The following PIH1D2 variants were observed in gnomAD, a reference collection of about 807,000 sequenced individuals.
The protein encoded by PIH1D2 is PIH1 domain-containing protein 2.
A neutral mutation model predicts 31.2 loss-of-function variants in PIH1D2; 25 were observed. That is an observed-to-expected ratio of 0.80 (90% confidence interval 0.58 to 1.12). PIH1D2 has a LOEUF of 1.12. Ranked by LOEUF, PIH1D2 falls within the 50% of genes most tolerant of loss-of-function variation. The pLI is 0.00. For synonymous variants in PIH1D2, 116 were observed against 119.9 expected (o/e 0.97, Z 0.21); for missense variants, 310 against 356.6 (o/e 0.87, Z 1.05).
chr11:112,068,283 A>G (rs1204714356), intron 5 of PIH1D2, among the ~76,000 whole-genome samples: 1 of 152,214 alleles, frequency 6.6e-6, no homozygotes, highest in Non-Finnish European at 1.5e-5. Context: ...GGAGCCTGGA[A>G]AGGTAGTGAT....
At chr11:112,072,132 C>A (rs1555184776) in intron 2 of PIH1D2, among the ~76,000 whole-genome samples, 1 of 151,970 alleles carries the variant, frequency 6.6e-6, no homozygotes, top group Admixed American at 6.6e-5. Context: ...AAATAATATC[C>A]TAAAAGCCAC....
rs781979607 is a variant in PIH1D2, at chr11:112,068,032, T to C, written c.814-27A>G. ...TAAGAATAATAAACCAAGAGATTTA[T>C]TTCCTGCTTAAAATTTGGGATACTA... On this transcript the variant is annotated intron_variant, in intron 5 of 5. Coordinates refer to ENST00000280350, the MANE Select transcript of PIH1D2 (RefSeq NM_138789.4). 6.8e-6 allele frequency: 10 copies of C among 1,467,206 alleles called. No homozygotes were observed. The African/African-American group carries it at 7.1e-5, about 10-fold the overall frequency. The allele number at this position is 1,467,206 out of a possible 1,614,324, so 90.9% of individuals were successfully genotyped here.
chr11:112,064,203 C>T (rs1555183611), downstream of PIH1D2: 6 of 1,568,840 alleles, frequency 3.8e-6, no homozygotes, highest in Non-Finnish European at 3.5e-6. Context: ...TTCGCTAATG[C>T]TTGTGGTTCT....
At chr11:112,054,668 TA>T in the PIH1D2 span, among the ~76,000 whole-genome samples, 22 of 152,240 alleles carry the variant, frequency 1.4e-4, no homozygotes, top group Non-Finnish European at 3.1e-4. Flanking sequence ...ATATTCTTTA[TA>T]AACTGTATAG....
At chr11:112,070,866 AT>A in intron 4 of PIH1D2, 165 bp from the exon 5 acceptor site, 1 of 1,215,592 alleles carries the variant, frequency 8.2e-7, no homozygotes, top group Admixed American at 3.1e-5. Context: ...TTGATTGAAA[AT>A]TTTTCAGGAT....
At chr11:112,064,806 C>G (rs1864852194), downstream of PIH1D2, among the ~76,000 whole-genome samples, 1 of 150,296 alleles carries the variant, frequency 6.7e-6, no homozygotes, top group Non-Finnish European at 1.5e-5. Context: ...GGTAAGTGAT[C>G]TAAAAATGAA....
chr11:112,064,662 T>C (rs1374726832), downstream of PIH1D2, among the ~76,000 whole-genome samples: 2 of 152,128 alleles, frequency 1.3e-5, no homozygotes, highest in East Asian at 3.9e-4. Context: ...TTCTGAAGCT[T>C]GTGATTGTGA....
At chr11:112,072,476 T>C (rs1865151997) in intron 2 of PIH1D2, among the ~76,000 whole-genome samples, 1 of 125,986 alleles carries the variant, frequency 7.9e-6, no homozygotes, top group Admixed American at 1.0e-4. Flanking sequence ...TGGGCTGCAA[T>C]GAGCTGTGAT....
At chr11:112,070,280 T>C in intron 5 of PIH1D2, 156 bp downstream of exon 5, 2 of 822,074 alleles carry the variant, frequency 2.4e-6, no homozygotes, top group African/African-American at 1.7e-5. Context: ...TTTGCTGAGA[T>C]GTGAATGGCA....
chr11:112,061,175 G>A, downstream of PIH1D2: 1 of 1,614,012 alleles, frequency 6.2e-7, no homozygotes, highest in Non-Finnish European at 8.5e-7. Context: ...ATGAAAAAGG[G>A]TAAGTGCCAA....
downstream of PIH1D2, chr11:112,061,449 G>T (rs1043338976): frequency 2.6e-6 from 1 of 391,182 alleles, no homozygotes; most frequent in Admixed American, 4.1e-5. Flanking sequence ...TTCAAGTTGT[G>T]CTTACTGGAA....
At chr11:112,052,574 G>A in the PIH1D2 span, among the ~76,000 whole-genome samples, 34 of 152,284 alleles carry the variant, frequency 2.2e-4, no homozygotes, top group African/African-American at 7.9e-4. Context: ...GAGGTTTGAG[G>A]TGGGGTGGTG....
chr11:112,066,277 C>T (rs1172292640), downstream of PIH1D2, among the ~76,000 whole-genome samples: 1 of 152,128 alleles, frequency 6.6e-6, no homozygotes, highest in East Asian at 1.9e-4. Context: ...CACTTTTGTA[C>T]TTCTGATCAT....
At chr11:112,058,740 T>C (rs1555182852), downstream of PIH1D2, among the ~76,000 whole-genome samples, 2 of 151,714 alleles carry the variant, frequency 1.3e-5, no homozygotes, top group Non-Finnish European at 2.9e-5. Flanking sequence ...CCAATAAAAA[T>C]CAGTTATTTT....
At chr11:112,061,252 A>T (rs1332955806), downstream of PIH1D2, 61 of 1,535,200 alleles carry the variant, frequency 4.0e-5, no homozygotes, top group Non-Finnish European at 9.0e-7. Flanking sequence ...TCCTCAGGGG[A>T]TTGGCTCCAG....
chr11:112,053,876 G>A, the PIH1D2 span, among the ~76,000 whole-genome samples: 13 of 151,870 alleles, frequency 8.6e-5, no homozygotes, highest in East Asian at 1.4e-3. Flanking sequence ...CTGACTCCCC[G>A]TTAAAGAACA....
chr11:112,067,285 T>G (rs781905543), downstream of PIH1D2, among the ~76,000 whole-genome samples: 2 of 152,172 alleles, frequency 1.3e-5, no homozygotes, highest in Non-Finnish European at 2.9e-5. Flanking sequence ...AATTATAAGT[T>G]ACTTAAGATA....
downstream of PIH1D2, chr11:112,064,138 A>G: frequency 6.6e-7 from 1 of 1,518,674 alleles, no homozygotes; most frequent in Admixed American, 2.2e-5. Context: ...AGGGACCATC[A>G]TCAATATGAT....
At chr11:112,070,278 G>C in intron 5 of PIH1D2, 158 bp downstream of exon 5, 2 of 803,852 alleles carry the variant, frequency 2.5e-6, no homozygotes, top group South Asian at 3.6e-5. Flanking sequence ...CCTTTGCTGA[G>C]ATGTGAATGG....
Sources: gnomAD v4.1 joint callset for allele counts (sites outside exome capture counted in the v4.1 genomes callset) on GRCh38, gnomAD v4.1.1 for gene constraint, MANE v1.5 for transcripts, NCBI Gene and HGNC (gene_info 2026-07-23, HGNC 2026-07-21) for gene names.